R3HDM2: variants seen among roughly 807,000 people sequenced by gnomAD.
R3HDM2 encodes the protein R3H domain-containing protein 2.
R3HDM2 carries 38 observed loss-of-function variants against 124.5 expected under a neutral mutation model. The ratio of observed to expected loss-of-function variants is 0.31; its 90% CI spans 0.24 to 0.40. The LOEUF (loss-of-function observed/expected upper bound fraction) is 0.40, where lower values mean the gene tolerates loss of function less well. R3HDM2 is among the 10% of genes least tolerant of loss of function. The probability of loss-of-function intolerance (pLI) is 1.00; values close to 1 mark genes in which losing one functional copy is unlikely to be tolerated. For missense variants in R3HDM2, 869 were observed against 1,236.9 expected (o/e 0.70, Z 4.46); for synonymous variants, 391 against 448.0 (o/e 0.87, Z 1.61).
At chr12:57,417,863 A>G (rs2069802382) in intron 1 of R3HDM2, among the ~76,000 whole-genome samples, 1 of 152,136 alleles carries the variant, frequency 6.6e-6, no homozygotes, top group South Asian at 2.1e-4. Context: ...CAAAAATGTC[A>G]ATCTTAACAT....
intron 2 of R3HDM2, among the ~76,000 whole-genome samples, chr12:57,327,449 A>G (rs1282433046): frequency 6.7e-6 from 1 of 148,404 alleles, no homozygotes; most frequent in Non-Finnish European, 1.5e-5. Context: ...CCTGGGCGAC[A>G]GAGCAAGACT....
chr12:57,341,424 C>T, intron 2 of R3HDM2: 2 of 984,496 alleles, frequency 2.0e-6, no homozygotes, highest in Non-Finnish European at 2.4e-6. Context: ...CTCTCCGTCC[C>T]CTCCCTCTCA....
intron 21 of R3HDM2, 115 bp from the exon 22 acceptor site, chr12:57,256,626 G>C (rs967813021): frequency 1.4e-6 from 1 of 725,030 alleles, no homozygotes; most frequent in Non-Finnish European, 2.2e-6. Context: ...AATTTTCTAT[G>C]ATGGAAATGC....
chr12:57,350,284 C>G lies in R3HDM2; in HGVS notation c.-35-39821G>C, dbSNP rs183076498. 6.6e-5 allele frequency among the ~76,000 whole-genome samples: 10 copies of G among 151,802 alleles called. No homozygotes were observed. In the East Asian group the frequency reaches 1.9e-3, roughly 29 times the overall value. Reference sequence around the variant, plus strand: ...TAAAATAATCCAACTTTAATAACAACAATAAAAAATGGGAGGAGACTGTGT... The same window carrying G: ...TAAAATAATCCAACTTTAATAACAAGAATAAAAAATGGGAGGAGACTGTGT... On this transcript the variant is annotated intron_variant, in intron 2 of 23. Transcript: ENST00000402412.
At chr12:57,260,450 G>C (rs1286908054) in intron 19 of R3HDM2, among the ~76,000 whole-genome samples, 5 of 151,678 alleles carry the variant, frequency 3.3e-5, no homozygotes, top group African/African-American at 2.4e-5. Context: ...CCTCCCACAG[G>C]GTGGGAGAAG....
intron 1 of R3HDM2, among the ~76,000 whole-genome samples, chr12:57,411,775 T>C (rs1456308656): frequency 6.6e-6 from 1 of 152,196 alleles, no homozygotes; most frequent in African/African-American, 2.4e-5. Context: ...AACAGAAACA[T>C]TCAATACATT....
rs146392551 is a variant in R3HDM2, at chr12:57,269,799, T to C, written c.1540A>G (p.Thr514Ala). The change falls in exon 15 of 24, where the codon ACT (threonine) becomes GCT (alanine). Residue 514 changes from threonine to alanine, a missense_variant. Transcript: ENST00000402412. ...NYSTSSHAPP[T>A]QQVLPPQGYM... ...CCCTGGGGTGGCAGAACTTGCTGAG[T>C]AGGTGGTGCATGGCTAGAGGTGGAA... The C allele has an allele frequency of 6.2e-6, 10 of 1,613,878 alleles. No individual in the cohort carries two copies. The highest frequency in any genetic ancestry group is 8.5e-6 in the Non-Finnish European group (10 of 1,179,964).
chr12:57,410,725 T>C (rs1476266929), intron 1 of R3HDM2, among the ~76,000 whole-genome samples: 1 of 152,100 alleles, frequency 6.6e-6, no homozygotes, highest in Non-Finnish European at 1.5e-5. Flanking sequence ...ATGGTGTGTG[T>C]GCCTGTAGTC....
chr12:57,415,563 T>C (rs1460832374), intron 1 of R3HDM2, among the ~76,000 whole-genome samples: 4 of 114,712 alleles, frequency 3.5e-5, no homozygotes, highest in African/African-American at 1.3e-4. Flanking sequence ...GGATCCAACA[T>C]CACAAGGCCA....
At chr12:57,402,198 G>A (rs2068103105) in intron 1 of R3HDM2, among the ~76,000 whole-genome samples, 1 of 151,264 alleles carries the variant, frequency 6.6e-6, no homozygotes, top group Non-Finnish European at 1.5e-5. Flanking sequence ...AGGAGACTGA[G>A]GCAGGAGAAT....
At chr12:57,267,514 T>C (rs559891171) in intron 18 of R3HDM2, among the ~76,000 whole-genome samples, 2 of 152,230 alleles carry the variant, frequency 1.3e-5, no homozygotes, top group South Asian at 2.1e-4. Flanking sequence ...GAGATTGTCA[T>C]TGTACTCCAG....
intron 2 of R3HDM2, among the ~76,000 whole-genome samples, chr12:57,330,616 A>T (rs993603751): frequency 6.7e-6 from 1 of 149,796 alleles, no homozygotes; most frequent in Non-Finnish European, 1.5e-5. Context: ...AAGTGCTGGG[A>T]TTACAAGTGT....
At chr12:57,372,656 GAT>G (rs944567839) in intron 2 of R3HDM2, among the ~76,000 whole-genome samples, 4 of 152,146 alleles carry the variant, frequency 2.6e-5, no homozygotes, top group Non-Finnish European at 5.9e-5. Context: ...GACATAGGAA[GAT>G]ATGTTTTTTA....
intron 21 of R3HDM2, among the ~76,000 whole-genome samples, chr12:57,256,778 CCAGGGAAGAAACTTA>C (rs1262287945): frequency 1.3e-4 from 20 of 151,862 alleles, no homozygotes; most frequent in Non-Finnish European, 2.6e-4. Flanking sequence ...ATGAAAATGA[CCAGGGAAGAAACTTA>C]CAGACCCTTA....
intron 19 of R3HDM2, among the ~76,000 whole-genome samples, chr12:57,265,179 T>C (rs575899579): frequency 6.6e-6 from 1 of 152,114 alleles, no homozygotes; most frequent in Non-Finnish European, 1.5e-5. Context: ...GTGTTGAAAA[T>C]GTGTTGAAGA....
intron 14 of R3HDM2, chr12:57,272,391 A>G (rs2043770546): frequency 1.5e-6 from 2 of 1,378,050 alleles, no homozygotes; most frequent in African/African-American, 1.4e-5. Flanking sequence ...AGACTGACCC[A>G]GACATACCTA....
intron 2 of R3HDM2, among the ~76,000 whole-genome samples, chr12:57,315,985 G>A (rs1032591722): frequency 6.6e-6 from 1 of 152,168 alleles, no homozygotes; most frequent in Non-Finnish European, 1.5e-5. Context: ...CGGGCGTGGT[G>A]GCACACGCCT....
At chr12:57,266,169 G>A (rs1337889932) in intron 19 of R3HDM2, among the ~76,000 whole-genome samples, 1 of 145,814 alleles carries the variant, frequency 6.9e-6, no homozygotes, top group African/African-American at 2.6e-5. Flanking sequence ...GCAGTGGCAT[G>A]AGCTGCAACC....
chr12:57,256,761 C>T (rs1592298750), intron 21 of R3HDM2, among the ~76,000 whole-genome samples: 1 of 152,000 alleles, frequency 6.6e-6, no homozygotes, highest in Non-Finnish European at 1.5e-5. Flanking sequence ...CTGTAGACAA[C>T]AGTCCTATGA....
Sources: gnomAD v4.1 joint callset for allele counts (sites outside exome capture counted in the v4.1 genomes callset) on GRCh38, gnomAD v4.1.1 for gene constraint, MANE v1.5 for transcripts, NCBI Gene and HGNC (gene_info 2026-07-23, HGNC 2026-07-21) for gene names.